BMPR1B: variants seen among roughly 807,000 people sequenced by gnomAD.
The protein encoded by BMPR1B is bone morphogenetic protein receptor type 1B.
Under a neutral mutation model 59.1 loss-of-function variants are expected in BMPR1B, and 12 were observed. The ratio of observed to expected loss-of-function variants is 0.20; its 90% confidence interval spans 0.13 to 0.33. The LOEUF (loss-of-function observed/expected upper bound fraction) is 0.33. Among genes scored for constraint, BMPR1B ranks in the 10% least tolerant of loss-of-function variants. BMPR1B has a pLI of 1.00. For missense variants in BMPR1B, 550 were observed against 610.9 expected (o/e 0.90, Z 1.05); for synonymous variants, 237 against 207.3 (o/e 1.14, Z -1.23).
intron 3 of BMPR1B, among the ~76,000 whole-genome samples, chr4:95,061,172 CA>C: frequency 1.4e-5 from 1 of 69,824 alleles, no homozygotes; most frequent in Non-Finnish European, 3.7e-5. Flanking sequence ...CACACACACA[CA>C]CACACACACA....
intron 1 of BMPR1B, among the ~76,000 whole-genome samples, chr4:94,814,466 G>A (rs1047660409): frequency 1.3e-4 from 20 of 152,196 alleles, no homozygotes; most frequent in Non-Finnish European, 1.5e-5. Flanking sequence ...ATTGCTTGGT[G>A]GTTAGAGTGT....
chr4:95,024,874 G>T (rs763914504), intron 3 of BMPR1B, among the ~76,000 whole-genome samples: 1 of 152,094 alleles, frequency 6.6e-6, no homozygotes, highest in Non-Finnish European at 1.5e-5. Flanking sequence ...AGGCCGAGGC[G>T]GGCAGATCAT....
chr4:95,000,616 A>C (rs1000649617), intron 3 of BMPR1B, among the ~76,000 whole-genome samples: 1 of 152,180 alleles, frequency 6.6e-6, no homozygotes, highest in Admixed American at 6.5e-5. Context: ...CGTATCAAAT[A>C]ATATAAATAT....
chr4:95,093,242 AGTT>A (rs1448827718), intron 3 of BMPR1B, among the ~76,000 whole-genome samples: 1 of 152,108 alleles, frequency 6.6e-6, no homozygotes, highest in Non-Finnish European at 1.5e-5. Flanking sequence ...CTTATAAACA[AGTT>A]GTGTTTTAGA....
chr4:95,106,833 G>T lies in BMPR1B; in HGVS notation c.143+2266G>T, dbSNP rs572319398. 3.0e-4 allele frequency among the ~76,000 whole-genome samples: 45 copies of T among 151,956 alleles called. No individual in the cohort carries two copies. In the South Asian group the frequency reaches 8.5e-3, roughly 29 times the overall value. On this transcript the variant is annotated intron_variant, in intron 4 of 12. Transcript: ENST00000515059. ...ACACTTATTTTTCATTCAGGGGTTT[G>T]TAAGGAGGCTGTATCCGTGCTGCAC...
At chr4:95,068,234 G>A (rs960804435) in intron 3 of BMPR1B, among the ~76,000 whole-genome samples, 32 of 152,048 alleles carry the variant, frequency 2.1e-4, no homozygotes, top group African/African-American at 6.5e-4. Flanking sequence ...CGTATTTCCC[G>A]TTTTCTCTAT....
chr4:95,036,142 T>G (rs959757813), intron 3 of BMPR1B, among the ~76,000 whole-genome samples: 1 of 152,060 alleles, frequency 6.6e-6, no homozygotes, highest in African/African-American at 2.4e-5. Flanking sequence ...TGGGGATATA[T>G]GAGATATTTT....
intron 1 of BMPR1B, among the ~76,000 whole-genome samples, chr4:94,761,415 CTGTGTGTGTG>C (rs57447983): frequency 0.086 from 12,075 of 141,196 alleles, 572 homozygotes; most frequent in Non-Finnish European, 0.11. Flanking sequence ...CTGTATAATT[CTGTGTGTGTG>C]TGTGTGTGTG....
rs1013665803 is a variant in BMPR1B at position 95,156,166 on chromosome 4, A to G, written c.*1493A>G. The G allele has an allele frequency of 3.3e-5, 5 of 152,202 alleles. No individual in the cohort carries two copies. Among genetic ancestry groups the G allele is most frequent in the Admixed American group, 1.3e-4 (2 of 15,274 alleles). The allele number at this position is 152,202 out of a possible 1,614,324, so 9.4% of individuals were successfully genotyped here. On this transcript the variant is annotated 3_prime_UTR_variant, in exon 13 of 13. Coordinates refer to ENST00000515059, the MANE Select transcript of BMPR1B (RefSeq NM_001203.3). ...ATGAATAAAATCATCGAGAAGGCCA[A>G]TATTGTTTAGCAACATGAATACAAT...
chr4:95,084,147 C>T (rs1026886357), intron 3 of BMPR1B, among the ~76,000 whole-genome samples: 3 of 151,634 alleles, frequency 2.0e-5, no homozygotes, highest in African/African-American at 7.2e-5. Flanking sequence ...TAAAATCTAC[C>T]TGAAATTAGG....
chr4:94,967,475 C>T (rs1730596845), intron 2 of BMPR1B, among the ~76,000 whole-genome samples: 1 of 151,758 alleles, frequency 6.6e-6, no homozygotes. Flanking sequence ...TCTCCTCTCT[C>T]CTTCTCTTTC....
intron 3 of BMPR1B, among the ~76,000 whole-genome samples, chr4:95,019,781 C>T (rs1272094187): frequency 1.3e-5 from 2 of 152,166 alleles, no homozygotes; most frequent in Non-Finnish European, 2.9e-5. Context: ...ATTTATAAGA[C>T]TTGGTCCATG....
chr4:94,882,436 G>C (rs1405390853), intron 2 of BMPR1B, among the ~76,000 whole-genome samples: 1 of 152,200 alleles, frequency 6.6e-6, no homozygotes, highest in Non-Finnish European at 1.5e-5. Context: ...TAAATATTTA[G>C]CTGAAAATTG....
At chr4:94,972,353 T>C (rs1197157084) in intron 2 of BMPR1B, among the ~76,000 whole-genome samples, 1 of 152,116 alleles carries the variant, frequency 6.6e-6, no homozygotes, top group Non-Finnish European at 1.5e-5. Flanking sequence ...CTCATTTTAA[T>C]ACATTTGAAA....
chr4:95,082,370 A>C (rs1729226572), intron 3 of BMPR1B, among the ~76,000 whole-genome samples: 1 of 152,084 alleles, frequency 6.6e-6, no homozygotes, highest in South Asian at 2.1e-4. Context: ...CGCAGAGCAC[A>C]GAGCTTTACT....
chr4:95,152,724 G>T lies in BMPR1B; in HGVS notation c.1334G>T (p.Cys445Phe). The change falls in exon 12 of 13, where the codon TGC becomes TTC. Residue 445 changes from cysteine to phenylalanine, a missense_variant. Cys to Phe is a radical substitution (Grantham distance 205). Coordinates refer to ENST00000515059, the MANE Select transcript of BMPR1B (RefSeq NM_001203.3). ...TATGAGGACATGAGGGAGATTGTGTGCATCAAGAAGTTACGCCCCTCATTC... is the reference window on the plus strand; with the variant it reads ...TATGAGGACATGAGGGAGATTGTGTTCATCAAGAAGTTACGCCCCTCATTC... ...PSYEDMREIV[C>F]IKKLRPSFPN... is the part of the protein sequence containing the mutation. The T allele has an allele frequency of 6.2e-7, 1 of 1,607,138 alleles. No homozygotes were observed.
At chr4:95,092,995 ACT>A (rs1403998652) in intron 3 of BMPR1B, among the ~76,000 whole-genome samples, 4 of 152,044 alleles carry the variant, frequency 2.6e-5, no homozygotes, top group Non-Finnish European at 5.9e-5. Flanking sequence ...GTTCTAGTTG[ACT>A]CTGACATTAT....
At chr4:95,011,451 C>T (rs1484114643) in intron 3 of BMPR1B, among the ~76,000 whole-genome samples, 1 of 152,128 alleles carries the variant, frequency 6.6e-6, no homozygotes, top group African/African-American at 2.4e-5. Context: ...GCCAGCCTAG[C>T]CTGTGGCTTC....
At chr4:94,774,447 A>G (rs1362004497) in intron 1 of BMPR1B, among the ~76,000 whole-genome samples, 2 of 152,092 alleles carry the variant, frequency 1.3e-5, no homozygotes, top group Non-Finnish European at 1.5e-5. Context: ...CAGAAATGAG[A>G]AAGAATGTGA....
Sources: allele counts gnomAD v4.1 joint callset (sites outside exome capture counted in the v4.1 genomes callset), GRCh38; gene constraint gnomAD v4.1.1; transcripts MANE v1.5; gene names NCBI Gene and HGNC (gene_info 2026-07-23, HGNC 2026-07-21).